The following HSF5 variants were observed in gnomAD, a reference collection of about 807,000 sequenced individuals.
HSF5 encodes the protein heat shock transcription factor 5.
In HSF5, 5 loss-of-function variants were observed where a neutral mutation model predicts 50.8. The observed-to-expected ratio is 0.10, with a 90% confidence interval of 0.05 to 0.21. HSF5 has a LOEUF of 0.21. Among genes scored for constraint, HSF5 ranks in the 10% least tolerant of loss-of-function variants. The pLI is 1.00. For missense variants in HSF5, 564 were observed against 762.6 expected (o/e 0.74, Z 3.07); for synonymous variants, 307 against 307.4 (o/e 1.00, Z 0.02).
intron 5 of HSF5, among the ~76,000 whole-genome samples, chr17:58,433,371 G>A (rs1460576732): frequency 6.6e-6 from 1 of 152,158 alleles, no homozygotes; most frequent in African/African-American, 2.4e-5. Context: ...ACACCTACTG[G>A]ACATCCAAAG....
Position 58,488,224 on chromosome 17 carries a change from C to T in HSF5, c.51G>A (p.Lys17=). The change falls in exon 1 of 6, where the codon AAG becomes AAA. Residue 17 remains lysine, a synonymous_variant. Coordinates refer to ENST00000323777, the MANE Select transcript of HSF5 (RefSeq NM_001080439.3). The surrounding 1 kb of genome is among the most constrained non-coding windows in gnomAD (Gnocchi z 4.1). The part of the protein sequence containing the change: ...TPINPNNFPA[K]LWRLVNSPRY... ...GCGGGCTGTTCACCAGGCGCCACAG[C>T]TTGGCGGGGAAGTTGTTGGGGTTGA... 1 of 1,517,036 alleles carries T rather than the reference C, an allele frequency of 6.6e-7. No individual in the cohort carries two copies. The highest frequency in any genetic ancestry group is 8.7e-7 in the Non-Finnish European group (1 of 1,146,002). 94.0% of individuals were successfully genotyped at this position (1,517,036 alleles called of 1,614,324 possible). A position where few individuals can be genotyped will look rare whatever the true frequency, so the allele number is the denominator to read the frequency against.
intron 2 of HSF5, among the ~76,000 whole-genome samples, chr17:58,469,771 T>C (rs1974920705): frequency 6.6e-6 from 1 of 152,190 alleles, no homozygotes; most frequent in South Asian, 2.1e-4. Context: ...CAGTGTTCAG[T>C]TGAGGCATTA....
intron 5 of HSF5, among the ~76,000 whole-genome samples, chr17:58,458,547 C>G (rs921954809): frequency 1.3e-5 from 2 of 152,114 alleles, no homozygotes; most frequent in Non-Finnish European, 2.9e-5. Context: ...ATTTTCAAAG[C>G]CCAAATCATT....
rs1464407850 is a variant in HSF5 at position 58,421,577 on chromosome 17, AC to A, written c.*782del. On this transcript the variant is annotated 3_prime_UTR_variant, in exon 6 of 6. Coordinates refer to ENST00000323777, the MANE Select transcript of HSF5 (RefSeq NM_001080439.3). ...TTTAAATCTATCAGCATTTATAAAT[AC>A]AATTATATTAAACAAGTTAAATACT... 6.6e-6 allele frequency: 1 copy of A among 152,254 alleles called. No individual in the cohort carries two copies. Among genetic ancestry groups the A allele is most frequent in the Non-Finnish European group, 1.5e-5 (1 of 68,040 alleles). 9.4% of individuals were successfully genotyped at this position (152,254 alleles called of 1,614,324 possible).
intron 2 of HSF5, among the ~76,000 whole-genome samples, chr17:58,479,009 C>T (rs1323513616): frequency 6.6e-6 from 1 of 151,710 alleles, no homozygotes; most frequent in African/African-American, 2.4e-5. Context: ...AATGCCCTTG[C>T]TTGAGTTCCA....
At chr17:58,482,083 T>A (rs1289682573) in intron 1 of HSF5, among the ~76,000 whole-genome samples, 1 of 151,004 alleles carries the variant, frequency 6.6e-6, no homozygotes, top group Non-Finnish European at 1.5e-5. Context: ...CCAGCCTGGA[T>A]GACAGAGTGA....
chr17:58,480,785 A>ATCTATCTC (rs1408266278), intron 1 of HSF5, among the ~76,000 whole-genome samples: 1 of 151,784 alleles, frequency 6.6e-6, no homozygotes, highest in African/African-American at 2.4e-5. Context: ...CTATCTATCT[A>ATCTATCTC]TCTATCTATC....
At chr17:58,476,328 G>A (rs997801226) in intron 2 of HSF5, 2 of 1,104,820 alleles carry the variant, frequency 1.8e-6, no homozygotes, top group Admixed American at 3.4e-5. Context: ...CATCTTTGAT[G>A]ACCTCTCCTA....
chr17:58,452,553 T>TA, intron 5 of HSF5, among the ~76,000 whole-genome samples: 1 of 151,872 alleles, frequency 6.6e-6, no homozygotes, highest in East Asian at 2.0e-4. Flanking sequence ...CTCATGCCTG[T>TA]AATCGCAACA....
At chr17:58,476,766 T>C (rs1043414181) in intron 2 of HSF5, 3 of 1,598,780 alleles carry the variant, frequency 1.9e-6, no homozygotes, top group Admixed American at 3.3e-5. Context: ...TGGCGGAGTT[T>C]GTTATATTTC....
chr17:58,452,963 A>T (rs1219586153), intron 5 of HSF5, among the ~76,000 whole-genome samples: 1 of 152,172 alleles, frequency 6.6e-6, no homozygotes, highest in Non-Finnish European at 1.5e-5. Context: ...TGAGCCCAGG[A>T]GGCTGAGGCT....
chr17:58,481,826 C>T (rs1975101666), intron 1 of HSF5, among the ~76,000 whole-genome samples: 1 of 152,100 alleles, frequency 6.6e-6, no homozygotes, highest in Non-Finnish European at 1.5e-5. Flanking sequence ...ATGGTGAAAC[C>T]CCATCTCTAC....
Position 58,422,391 on chromosome 17 carries a change from C to A in HSF5, c.1760G>T (p.Arg587Leu). ...LLVDVACKQE[R>L]FPKEEELKE ...TTTTAATTCTTCCTCCTTTGGAAAGCGCTCCTGCTTGCAGGCCACGTCCAC... is the reference window on the plus strand; with the variant it reads ...TTTTAATTCTTCCTCCTTTGGAAAGAGCTCCTGCTTGCAGGCCACGTCCAC... The change falls in exon 6 of 6, where the codon CGC becomes CTC. Residue 587 changes from arginine (R) to leucine (L), a missense_variant. By Grantham distance (102) the Arg-to-Leu change is moderately radical (BLOSUM62 -2). Around this residue, in one of 5 missense-constraint regions of HSF5, gnomAD observed 441 missense variants for 533.6 expected, o/e 0.83. Transcript: ENST00000323777. 1 of 1,613,972 alleles carries A rather than the reference C, an allele frequency of 6.2e-7. No homozygotes were observed. Among genetic ancestry groups the A allele is most frequent in the Admixed American group, 1.7e-5 (1 of 60,012 alleles).
intron 5 of HSF5, among the ~76,000 whole-genome samples, chr17:58,448,782 C>G (rs1012531204): frequency 6.6e-6 from 1 of 152,096 alleles, no homozygotes; most frequent in Non-Finnish European, 1.5e-5. Context: ...TAAAAGTAAG[C>G]ATACAGAGAC....
At chr17:58,422,526 T>C in intron 5 of HSF5, 96 bp from the exon 6 acceptor site, 2 of 864,024 alleles carry the variant, frequency 2.3e-6, no homozygotes, top group South Asian at 1.6e-5. Context: ...ATGTCTCACC[T>C]GTAGAACTGG....
At chr17:58,473,606 G>A (rs1974975830) in intron 2 of HSF5, among the ~76,000 whole-genome samples, 1 of 152,084 alleles carries the variant, frequency 6.6e-6, no homozygotes, top group Admixed American at 6.6e-5. Flanking sequence ...ACAAAATCTT[G>A]CCTTTGAAGA....
intron 5 of HSF5, among the ~76,000 whole-genome samples, chr17:58,425,196 C>G (rs898870805): frequency 6.6e-6 from 1 of 151,836 alleles, no homozygotes; most frequent in East Asian, 1.9e-4. Flanking sequence ...GTCAGGAGTT[C>G]GAGACCAGCC....
chr17:58,424,928 A>T (rs1288519006), intron 5 of HSF5, among the ~76,000 whole-genome samples: 9 of 152,246 alleles, frequency 5.9e-5, no homozygotes, highest in Non-Finnish European at 1.2e-4. Context: ...TAGCTGGAAT[A>T]GTCAAATTCA....
At chr17:58,481,630 T>G (rs1975099810) in intron 1 of HSF5, among the ~76,000 whole-genome samples, 1 of 152,272 alleles carries the variant, frequency 6.6e-6, no homozygotes, top group South Asian at 2.1e-4. Context: ...TATCTGCTTT[T>G]CCAAATAATT....
Sources: allele counts gnomAD v4.1 joint callset (sites outside exome capture counted in the v4.1 genomes callset), GRCh38; gene constraint gnomAD v4.1.1; regional missense constraint gnomAD v4.1.1; non-coding constraint Gnocchi (gnomAD v3.1); transcripts MANE v1.5; gene names NCBI Gene and HGNC (gene_info 2026-07-23, HGNC 2026-07-21).